The following ARHGEF15 variants were observed in gnomAD, a reference collection of about 807,000 sequenced individuals.
ARHGEF15 encodes Rho guanine nucleotide exchange factor (GEF) 15.
In ARHGEF15, 58 loss-of-function variants were observed where a neutral mutation model predicts 79.7. The observed-to-expected ratio is 0.73, with a 90% CI of 0.59 to 0.91. The LOEUF (loss-of-function observed/expected upper bound fraction) is 0.91, where lower values mean the gene tolerates loss of function less well. ARHGEF15 is among the 40% of genes least tolerant of loss of function. ARHGEF15 has a pLI of 0.00. For synonymous variants in ARHGEF15, 442 were observed against 456.0 expected (o/e 0.97, Z 0.39); for missense variants, 1,012 against 1,108.1 (o/e 0.91, Z 1.23).
chr17:8,315,923 G>GT lies in ARHGEF15; in HGVS notation c.1574+17dup, dbSNP rs1904995796. On this transcript the variant is annotated intron_variant, in intron 8 of 15. Transcript: ENST00000361926. The surrounding 1 kb of genome is among the most constrained non-coding windows in gnomAD (Gnocchi z 4.3). ...GCCGCCTCATGTGAGTGTCCCAGGG[G>GT]TGGGGAGGAAGCTGGGGAGAGGGAT... 1.2e-6 allele frequency: 2 copies of GT among 1,606,858 alleles called. No individual in the cohort carries two copies. The highest frequency in any genetic ancestry group is 3.3e-4 in the Middle Eastern group (2 of 6,062).
chr17:8,312,426 G>T lies in ARHGEF15; in HGVS notation c.387G>T (p.Thr129=), dbSNP rs149692144. ...PPPKPSGSPC[T]PLLPMAGVLA... is the part of the protein sequence containing the mutation. The stretch of plus-strand genomic sequence containing the variant: ...CCAAGCCGTCTGGGTCACCCTGCAC[G>T]CCTCTGCTCCCCATGGCTGGAGTCC... Residue 129 remains threonine (T), a synonymous_variant, in exon 2 of 16, where the codon ACG becomes ACT. Transcript: ENST00000361926. 1 of 1,613,694 alleles carries T rather than the reference G, an allele frequency of 6.2e-7. No individual in the cohort carries two copies.
Position 8,318,453 on chromosome 17 carries a change from G to T in ARHGEF15, c.1771G>T (p.Val591Phe), listed in dbSNP as rs1235093365. 2 of 1,614,010 alleles carry T rather than the reference G, an allele frequency of 1.2e-6. No individual in the cohort carries two copies. The highest frequency in any genetic ancestry group is 1.7e-6 in the Non-Finnish European group (2 of 1,180,028). The change falls in exon 10 of 16, where the codon GTC (valine) becomes TTC (phenylalanine). Residue 591 changes from valine to phenylalanine, a missense_variant. By Grantham distance (50) the Val-to-Phe change is conservative (BLOSUM62 -1). This residue lies in a region of ARHGEF15 where 818 missense variants were observed against 882.5 expected (regional missense o/e 0.93). Coordinates refer to ENST00000361926, the MANE Select transcript of ARHGEF15 (RefSeq NM_173728.4). This position sits in a 1 kb window ranked among gnomAD's most constrained non-coding sequence, Gnocchi z 5.0. Reference sequence around the variant, plus strand: ...GAATGCCCAGAAGGCCCTGGGTGCTGTCAGCAAGGTGGGCAGTGGGGAAGC... The same window carrying T: ...GAATGCCCAGAAGGCCCTGGGTGCTTTCAGCAAGGTGGGCAGTGGGGAAGC... ...QENAQKALGA[V>F]SKIIERCSAE...
intron 3 of ARHGEF15, 79 bp from the exon 4 acceptor site, chr17:8,313,422 C>T: frequency 6.5e-7 from 1 of 1,550,256 alleles, no homozygotes; most frequent in Non-Finnish European, 8.8e-7. Flanking sequence ...AGTAACCATC[C>T]CTGCTGGGGC....
In ARHGEF15 at chr17:8,320,872, C is replaced by T. The variant is rs1905338806; in HGVS notation, c.2405C>T (p.Pro802Leu). 1 of 1,613,390 alleles carries T rather than the reference C, an allele frequency of 6.2e-7. No individual in the cohort carries two copies. The highest frequency in any genetic ancestry group is 8.5e-7 in the Non-Finnish European group (1 of 1,179,928). The change falls in exon 16 of 16, where the codon CCT (proline) becomes CTT (leucine). Residue 802 changes from proline to leucine, a missense_variant. Around this residue, in one of 3 missense-constraint regions of ARHGEF15, gnomAD observed 132 missense variants for 124.2 expected, o/e 1.06. Coordinates refer to ENST00000361926, the MANE Select transcript of ARHGEF15 (RefSeq NM_173728.4). ...GWLKGLPGAF[P>L]AQLVCEVTGE... ...CTGAAGGGGCTTCCTGGGGCCTTCCCTGCCCAGCTGGTGTGTGAAGTCACA... is the reference window on the plus strand; with the variant it reads ...CTGAAGGGGCTTCCTGGGGCCTTCCTTGCCCAGCTGGTGTGTGAAGTCACA...
Position 8,321,370 on chromosome 17 carries a change from CA to C in ARHGEF15, c.*378del, listed in dbSNP as rs1905379236. On this transcript the variant is annotated 3_prime_UTR_variant, in exon 16 of 16. Transcript: ENST00000361926. Reference sequence around the variant, plus strand: ...TAAAGTCGTAGGATAAAATTGGGAACAGGAATGAGCAGGAAGCCAATCAGCC... The same window carrying C: ...TAAAGTCGTAGGATAAAATTGGGAACGGAATGAGCAGGAAGCCAATCAGCC... 5.9e-6 allele frequency: 1 copy of C among 168,450 alleles called. No homozygotes were observed. Among genetic ancestry groups the C allele is most frequent in the South Asian group, 1.7e-4 (1 of 5,790 alleles). 10.4% of individuals were successfully genotyped at this position (168,450 alleles called of 1,614,324 possible).
In ARHGEF15 at chr17:8,316,053, C is replaced by A; in HGVS notation, c.1609C>A (p.Arg537=). 6.2e-7 allele frequency: 1 copy of A among 1,603,560 alleles called. No individual in the cohort carries two copies. ...TNVRFSAELR[R]LQSLPKCERL... ...CGTGCGCTTCTCCGCCGAGCTGCGCCGGCTGCAGAGCCTCCCTAAGTGTGA... is the reference window on the plus strand; with the variant it reads ...CGTGCGCTTCTCCGCCGAGCTGCGCAGGCTGCAGAGCCTCCCTAAGTGTGA... The change falls in exon 9 of 16, where the codon CGG becomes AGG. Residue 537 remains arginine, a synonymous_variant. Coordinates refer to ENST00000361926, the MANE Select transcript of ARHGEF15 (RefSeq NM_173728.4).
In ARHGEF15 at chr17:8,319,548, A is replaced by G. The variant is rs148436212; in HGVS notation, c.2319A>G (p.Glu773=). Residue 773 remains glutamate (E), a synonymous_variant, in exon 15 of 16, where the codon GAA becomes GAG. Coordinates refer to ENST00000361926, the MANE Select transcript of ARHGEF15 (RefSeq NM_173728.4). The part of the protein sequence containing the change: ...CSESSAPAKT[E]GRSLESRAAP... ...AGTCGTCTGCACCTGCCAAGACTGA[A>G]GGACGGAGTCTGGAGTCCAGGGCTG... 6.2e-7 allele frequency: 1 copy of G among 1,611,740 alleles called. No individual in the cohort carries two copies. Among genetic ancestry groups the G allele is most frequent in the Non-Finnish European group, 8.5e-7 (1 of 1,179,288 alleles).
rs1904905767 is a variant in ARHGEF15, at chr17:8,314,919, C to T, written c.1003C>T (p.Leu335=). The T allele has an allele frequency of 7.4e-6, 12 of 1,613,968 alleles. No individual in the cohort carries two copies. The highest frequency in any genetic ancestry group is 2.7e-5 in the African/African-American group (2 of 74,996). ...ATVEGREEEG[L]EVLKEQNWEL... ...CTTTCTCCACAGGGAAGAGGAGGGG[C>T]TAGAGGTGCTGAAGGAGCAGAATTG... The change falls in exon 5 of 16, where the codon CTA becomes TTA. Residue 335 remains leucine, a synonymous_variant. Coordinates refer to ENST00000361926, the MANE Select transcript of ARHGEF15 (RefSeq NM_173728.4).
Position 8,315,720 on chromosome 17 carries a change from C to T in ARHGEF15, c.1422-35C>T. The T allele has an allele frequency of 6.2e-7, 1 of 1,604,532 alleles. No homozygotes were observed. Among genetic ancestry groups the T allele is most frequent in the East Asian group, 2.2e-5 (1 of 44,800 alleles). ...AGAACCCGGGAGACCTGGCTCTCTGCCCCGCCCCATTGCTTGCTTCCCCAA... is the reference window on the plus strand; with the variant it reads ...AGAACCCGGGAGACCTGGCTCTCTGTCCCGCCCCATTGCTTGCTTCCCCAA... On this transcript the variant is annotated intron_variant, in intron 7 of 15. Coordinates refer to ENST00000361926, the MANE Select transcript of ARHGEF15 (RefSeq NM_173728.4). The surrounding 1 kb of genome is among the most constrained non-coding windows in gnomAD (Gnocchi z 4.3).
chr17:8,317,895 C>G (rs539357212), intron 9 of ARHGEF15, among the ~76,000 whole-genome samples: 1 of 152,010 alleles, frequency 6.6e-6, no homozygotes, highest in South Asian at 2.1e-4. Context: ...GGTGAAACCC[C>G]GCTTCTACTA....
intron 4 of ARHGEF15, chr17:8,313,845 C>T (rs985302612): frequency 1.2e-5 from 4 of 324,042 alleles, no homozygotes; most frequent in South Asian, 1.2e-4. Flanking sequence ...GCCTGGCTAA[C>T]GTGGTGAAAC....
At position 8,315,306 on chromosome 17, in the gene ARHGEF15, G is replaced by A. The variant is rs557193825; in HGVS notation, c.1260+29G>A. On this transcript the variant is annotated intron_variant, in intron 6 of 15. Transcript: ENST00000361926. The surrounding 1 kb of genome is among the most constrained non-coding windows in gnomAD (Gnocchi z 4.3). ...GGAGCTGGAGGTGGGAGATGGGAGGGGGGTGCTGGGGTTGGGCTGCATGGG... is the reference window on the plus strand; with the variant it reads ...GGAGCTGGAGGTGGGAGATGGGAGGAGGGTGCTGGGGTTGGGCTGCATGGG... The A allele has an allele frequency of 1.9e-6, 3 of 1,611,646 alleles. No individual in the cohort carries two copies. Among genetic ancestry groups the A allele is most frequent in the South Asian group, 1.1e-5 (1 of 90,946 alleles).
chr17:8,316,174 C>G, intron 9 of ARHGEF15, 26 bp downstream of exon 9: 2 of 1,595,594 alleles, frequency 1.3e-6, no homozygotes, highest in Non-Finnish European at 1.7e-6. Flanking sequence ...GCGGCCGTTT[C>G]TGCCCCACCA....
rs115332545 is a variant in ARHGEF15 at position 8,319,566 on chromosome 17, C to T, written c.2337C>T (p.Ser779=). 1,542 of 1,607,888 alleles carry T rather than the reference C, an allele frequency of 9.6e-4. 28 individuals carry two copies. In the East Asian group the frequency reaches 0.032, roughly 34 times the overall value. Residue 779 remains serine (S), a synonymous_variant, in exon 15 of 16, where the codon TCC becomes TCT. Transcript: ENST00000361926. ...PAKTEGRSLE[S]RAAPKHLHKT... ...AGACTGAAGGACGGAGTCTGGAGTCCAGGGCTGCCCCCAAACACCTGCACA... is the reference window on the plus strand; with the variant it reads ...AGACTGAAGGACGGAGTCTGGAGTCTAGGGCTGCCCCCAAACACCTGCACA...
chr17:8,310,510 C>T (rs1904536361), intron 1 of ARHGEF15, among the ~76,000 whole-genome samples, 167 bp downstream of exon 1: 1 of 152,008 alleles, frequency 6.6e-6, no homozygotes, highest in Non-Finnish European at 1.5e-5. Flanking sequence ...CATCCCTTAG[C>T]TGAGACAGAG....
Position 8,320,941 on chromosome 17 carries a change from T to G in ARHGEF15, c.2474T>G (p.Leu825Arg), listed in dbSNP as rs1905346587. ...AGGCACCTTCGCCAGAACCAGAGGC[T>G]TCTCGAGGCTGTTGGATCTTCTTCA... ...RRRHLRQNQRLLEAVGSSSGT... is the reference protein window; with the variant it reads ...RRRHLRQNQRRLEAVGSSSGT... The change falls in exon 16 of 16, where the codon CTT (leucine) becomes CGT (arginine). Residue 825 changes from leucine (L) to arginine (R), a missense_variant. Physicochemically the swap from Leu to Arg is moderately radical, Grantham distance 102. Coordinates refer to ENST00000361926, the MANE Select transcript of ARHGEF15 (RefSeq NM_173728.4). 1 of 1,613,882 alleles carries G rather than the reference T, an allele frequency of 6.2e-7. No homozygotes were observed. The highest frequency in any genetic ancestry group is 1.7e-5 in the Admixed American group (1 of 60,002).
chr17:8,319,723 C>T, intron 15 of ARHGEF15, 120 bp downstream of exon 15: 1 of 746,932 alleles, frequency 1.3e-6, no homozygotes, highest in South Asian at 3.5e-5. Context: ...GCAACCTCTG[C>T]CTCCTGGGTT....
chr17:8,312,660 G>C lies in ARHGEF15; in HGVS notation c.601+20G>C, dbSNP rs765214731. Reference sequence around the variant, plus strand: ...CTCCAGGTGAGTGTGGCGGGTGGGGGGCGCTGGGTGACCTCAATCCACCCA... The same window carrying C: ...CTCCAGGTGAGTGTGGCGGGTGGGGCGCGCTGGGTGACCTCAATCCACCCA... On this transcript the variant is annotated intron_variant, in intron 2 of 15. Transcript: ENST00000361926. 3 of 1,611,434 alleles carry C rather than the reference G, an allele frequency of 1.9e-6. No homozygotes were observed. The highest frequency in any genetic ancestry group is 2.5e-6 in the Non-Finnish European group (3 of 1,179,880).
At position 8,319,479 on chromosome 17, in the gene ARHGEF15, T is replaced by A. The variant is rs373651370; in HGVS notation, c.2270-20T>A. On this transcript the variant is annotated intron_variant, in intron 14 of 15. Coordinates refer to ENST00000361926, the MANE Select transcript of ARHGEF15 (RefSeq NM_173728.4). ...GAGAAGCTAAACAGAATCACTTTAA[T>A]GTCACCCACCCCCAACCAGACTGTT... 9.9e-5 allele frequency: 157 copies of A among 1,591,128 alleles called. 2 individuals are homozygous for A. In the South Asian group the frequency reaches 1.7e-3, roughly 17 times the overall value.
Sources: gnomAD v4.1 joint callset for allele counts (sites outside exome capture counted in the v4.1 genomes callset) on GRCh38, gnomAD v4.1.1 for gene constraint, gnomAD v4.1.1 regional missense constraint, Gnocchi (gnomAD v3.1) non-coding constraint, MANE v1.5 for transcripts, NCBI Gene and HGNC (gene_info 2026-07-23, HGNC 2026-07-21) for gene names.